The following CNTN3 variants were observed in gnomAD, a reference collection of about 807,000 sequenced individuals.
The protein encoded by CNTN3 is contactin 3.
CNTN3 carries 60 observed loss-of-function variants against 119.1 expected under a neutral mutation model. The ratio of observed to expected loss-of-function variants is 0.50; its 90% CI spans 0.41 to 0.62. The LOEUF (loss-of-function observed/expected upper bound fraction) is 0.62. Ranked by LOEUF, CNTN3 falls within the 20% of genes least tolerant of loss-of-function variation. The probability of loss-of-function intolerance (pLI) is 0.00; values close to 1 mark genes in which losing one functional copy is unlikely to be tolerated. For missense variants in CNTN3, 1,101 were observed against 1,242.4 expected (o/e 0.89, Z 1.71); for synonymous variants, 450 against 438.7 (o/e 1.03, Z -0.32).
chr3:74,548,040 A>G (rs1361746262), intron 1 of CNTN3, among the ~76,000 whole-genome samples: 1 of 152,122 alleles, frequency 6.6e-6, no homozygotes, highest in African/African-American at 2.4e-5. Flanking sequence ...CTACTTACTA[A>G]ATGAACCATC....
Position 74,372,590 on chromosome 3 carries a change from TA to T in CNTN3, c.455-1192del, listed in dbSNP as rs74983590. On this transcript the variant is annotated intron_variant, in intron 5 of 22. Coordinates refer to ENST00000263665, the MANE Select transcript of CNTN3 (RefSeq NM_020872.3). ...ACTGTAGTGCTTTCCCAATAGAGTT[TA>T]AAAAAAAAAAAACTTTTGGAAAACA... 8.0e-3 allele frequency among the ~76,000 whole-genome samples: 1,149 copies of T among 143,234 alleles called. 9 individuals carry two copies. The highest frequency in any genetic ancestry group is 0.022 in the African/African-American group (860 of 39,328). The allele number at this position is 143,234 out of a possible 152,430, so 94.0% of individuals were successfully genotyped here.
chr3:74,513,515 A>T (rs1166397775), intron 2 of CNTN3, among the ~76,000 whole-genome samples: 1 of 152,110 alleles, frequency 6.6e-6, no homozygotes, highest in Non-Finnish European at 1.5e-5. Flanking sequence ...CCAGATAAAG[A>T]AACCAAACAG....
chr3:74,525,648 T>C (rs377568623), intron 1 of CNTN3, among the ~76,000 whole-genome samples: 3 of 152,078 alleles, frequency 2.0e-5, no homozygotes, highest in South Asian at 2.1e-4. Context: ...TCCGTGCTAA[T>C]AGACATTTGC....
intron 3 of CNTN3, among the ~76,000 whole-genome samples, chr3:74,496,658 G>T (rs896452474): frequency 3.3e-5 from 5 of 151,950 alleles, no homozygotes; most frequent in African/African-American, 1.2e-4. Flanking sequence ...ATAAAAAGTG[G>T]AAGAAAATAT....
chr3:74,475,251 A>C (rs537263209), intron 4 of CNTN3, among the ~76,000 whole-genome samples: 1 of 152,352 alleles, frequency 6.6e-6, no homozygotes, highest in Non-Finnish European at 1.5e-5. Flanking sequence ...GTAGAATTCT[A>C]GTTCCACAAA....
At chr3:74,311,093 T>A (rs2106837039) in intron 13 of CNTN3, among the ~76,000 whole-genome samples, 1 of 152,328 alleles carries the variant, frequency 6.6e-6, no homozygotes, top group African/African-American at 2.4e-5. Flanking sequence ...AGCAAAACTC[T>A]GGACTAGACA....
At chr3:74,581,316 C>A (rs2106668257) in intron 1 of CNTN3, among the ~76,000 whole-genome samples, 1 of 152,176 alleles carries the variant, frequency 6.6e-6, no homozygotes, top group African/African-American at 2.4e-5. Flanking sequence ...ACATTAAAAT[C>A]ATTAGTACTT....
At chr3:74,517,344 T>G (rs945397652) in intron 2 of CNTN3, among the ~76,000 whole-genome samples, 1 of 151,928 alleles carries the variant, frequency 6.6e-6, no homozygotes, top group Admixed American at 6.6e-5. Flanking sequence ...TCTCCTTGCT[T>G]GGCTGCCTGC....
chr3:74,441,625 C>T (rs2106929182), intron 4 of CNTN3, among the ~76,000 whole-genome samples: 1 of 152,092 alleles, frequency 6.6e-6, no homozygotes, highest in Non-Finnish European at 1.5e-5. Context: ...AATTAGAAAG[C>T]AATTAGGGCA....
At chr3:74,553,033 C>T (rs760809396) in intron 1 of CNTN3, among the ~76,000 whole-genome samples, 1 of 152,142 alleles carries the variant, frequency 6.6e-6, no homozygotes, top group Non-Finnish European at 1.5e-5. Flanking sequence ...GTTTGCTGCA[C>T]TCATCAACCC....
At chr3:74,294,227 T>C (rs1195789759) in intron 19 of CNTN3, among the ~76,000 whole-genome samples, 1 of 152,138 alleles carries the variant, frequency 6.6e-6, no homozygotes. Context: ...AATCCCACAA[T>C]GTCATTGCTG....
At chr3:74,271,374 A>G (rs991713079) in intron 20 of CNTN3, among the ~76,000 whole-genome samples, 1 of 152,174 alleles carries the variant, frequency 6.6e-6, no homozygotes, top group African/African-American at 2.4e-5. Flanking sequence ...GGTATTTCTG[A>G]GTGATAGGAT....
intron 13 of CNTN3, among the ~76,000 whole-genome samples, chr3:74,324,369 G>A (rs1293175209): frequency 1.3e-5 from 2 of 151,896 alleles, no homozygotes; most frequent in African/African-American, 2.4e-5. Context: ...GTGCCACCTC[G>A]CCCAGGTAAT....
At chr3:74,289,795 T>C (rs1195606900) in intron 19 of CNTN3, among the ~76,000 whole-genome samples, 3 of 152,146 alleles carry the variant, frequency 2.0e-5, no homozygotes, top group Non-Finnish European at 4.4e-5. Context: ...CAACATATAT[T>C]TTTTGCATGC....
At chr3:74,504,441 GA>G (rs1266887804) in intron 2 of CNTN3, among the ~76,000 whole-genome samples, 1 of 152,036 alleles carries the variant, frequency 6.6e-6, no homozygotes, top group Admixed American at 6.6e-5. Flanking sequence ...TATTCTTTAG[GA>G]AAAAACTTTT....
At chr3:74,547,175 A>C (rs1211154260) in intron 1 of CNTN3, among the ~76,000 whole-genome samples, 1 of 152,214 alleles carries the variant, frequency 6.6e-6, no homozygotes, top group Admixed American at 6.5e-5. Flanking sequence ...ATATACATAC[A>C]TTGAGGGTTT....
At chr3:74,366,780 G>GTGTATATATA (rs1447686332) in intron 8 of CNTN3, among the ~76,000 whole-genome samples, 2,685 of 63,594 alleles carry the variant, frequency 0.042, 116 homozygotes, top group Middle Eastern at 0.06. Flanking sequence ...GTGTGTGTGT[G>GTGTATATATA]TATATATATA....
chr3:74,423,647 CTTTG>C (rs1192890759), intron 5 of CNTN3, among the ~76,000 whole-genome samples: 1 of 152,204 alleles, frequency 6.6e-6, no homozygotes, highest in Non-Finnish European at 1.5e-5. Context: ...ACTTCTGTTA[CTTTG>C]TTTGCAATCA....
intron 20 of CNTN3, among the ~76,000 whole-genome samples, chr3:74,276,644 A>G (rs113432552): frequency 5.1e-4 from 77 of 152,010 alleles, no homozygotes; most frequent in African/African-American, 1.8e-3. Context: ...ATGCTAACAG[A>G]AAAGTTCATA....
Sources: allele counts gnomAD v4.1 joint callset (sites outside exome capture counted in the v4.1 genomes callset), GRCh38; gene constraint gnomAD v4.1.1; transcripts MANE v1.5; gene names NCBI Gene and HGNC (gene_info 2026-07-23, HGNC 2026-07-21).